EYS: variants seen among roughly 807,000 people sequenced by gnomAD.
The protein encoded by EYS is EGF-like photoreceptor maintenance factor, also known as protein eyes shut homolog.
In EYS, 250 loss-of-function variants were observed where a neutral mutation model predicts 282.1. The observed-to-expected ratio is 0.89, with a 90% CI of 0.80 to 0.98. The LOEUF is 0.98. Ranked by LOEUF, EYS falls within the 50% of genes least tolerant of loss-of-function variation. EYS has a pLI of 0.00. For synonymous variants in EYS, 1,355 were observed against 1,282.9 expected (o/e 1.06, Z -1.20); for missense variants, 4,016 against 3,709.0 (o/e 1.08, Z -2.15).
intron 26 of EYS, among the ~76,000 whole-genome samples, chr6:64,553,026 T>C (rs928838522): frequency 6.8e-6 from 1 of 147,948 alleles, no homozygotes; most frequent in African/African-American, 2.5e-5. Flanking sequence ...TCTGTACAGA[T>C]TCAATCAATG....
At chr6:65,359,862 T>A (rs936230816) in intron 8 of EYS, among the ~76,000 whole-genome samples, 1 of 151,958 alleles carries the variant, frequency 6.6e-6, no homozygotes, top group African/African-American at 2.4e-5. Flanking sequence ...GTAGCCTGGA[T>A]AGAATATTTG....
At chr6:63,778,330 C>A in intron 39 of EYS, 150 bp from the exon 40 acceptor site, 3 of 813,416 alleles carry the variant, frequency 3.7e-6, no homozygotes, top group Non-Finnish European at 5.7e-6. Flanking sequence ...CAGAAATGCG[C>A]AGAGAAATTT....
chr6:64,212,302 AAGAT>A (rs966547662), intron 31 of EYS, among the ~76,000 whole-genome samples: 11 of 152,092 alleles, frequency 7.2e-5, no homozygotes, highest in African/African-American at 2.4e-4. Flanking sequence ...TCATGAATAA[AAGAT>A]AGATGACAAG....
chr6:63,950,397 G>A (rs1037711597), intron 35 of EYS, among the ~76,000 whole-genome samples: 8 of 147,630 alleles, frequency 5.4e-5, no homozygotes, highest in African/African-American at 1.8e-4. Flanking sequence ...TGTGACCCCC[G>A]CCCCTGCCTG....
At chr6:65,200,370 A>T (rs544489639) in intron 12 of EYS, among the ~76,000 whole-genome samples, 1 of 151,758 alleles carries the variant, frequency 6.6e-6, no homozygotes, top group East Asian at 1.9e-4. Flanking sequence ...CAGAGAATTA[A>T]GAGTCATTAG....
intron 30 of EYS, among the ~76,000 whole-genome samples, chr6:64,278,272 A>G (rs1768181746): frequency 6.6e-6 from 1 of 152,178 alleles, no homozygotes; most frequent in Admixed American, 6.5e-5. Context: ...AATGAATATC[A>G]TTTGCAGCAT....
rs1270175107 is a variant in EYS, at chr6:64,538,668, T to G, written c.5644+51555A>C. On this transcript the variant is annotated intron_variant, in intron 26 of 42. Coordinates refer to ENST00000503581, the MANE Select transcript of EYS (RefSeq NM_001142800.2). ...ATAACAATACTAATAAATTATTTAC[T>G]AAGTGCACTTATTGTGTCCAAGGAC... is the stretch of plus-strand genomic sequence containing the variant. Among the ~76,000 whole-genome samples, 4 of 152,194 alleles carry G rather than the reference T, an allele frequency of 2.6e-5. No homozygotes were observed. The East Asian group carries it at 7.7e-4, about 29-fold the overall frequency.
chr6:64,130,069 C>T (rs1773920024), intron 31 of EYS, among the ~76,000 whole-genome samples: 1 of 152,132 alleles, frequency 6.6e-6, no homozygotes, highest in Non-Finnish European at 1.5e-5. Flanking sequence ...AGCGTGATGC[C>T]TCCAGCTCCT....
intron 16 of EYS, among the ~76,000 whole-genome samples, chr6:64,909,649 G>A (rs1767932497): frequency 6.6e-6 from 1 of 152,150 alleles, no homozygotes; most frequent in African/African-American, 2.4e-5. Context: ...GAAGACAGAA[G>A]CTTTGCCCTT....
At chr6:65,003,417 G>A (rs770974527) in intron 13 of EYS, among the ~76,000 whole-genome samples, 2 of 147,462 alleles carry the variant, frequency 1.4e-5, no homozygotes, top group Non-Finnish European at 3.0e-5. Flanking sequence ...TGTTATCAAC[G>A]AAATGGTGCC....
At chr6:65,166,608 A>G (rs1250839366) in intron 12 of EYS, among the ~76,000 whole-genome samples, 1 of 151,278 alleles carries the variant, frequency 6.6e-6, no homozygotes, top group Non-Finnish European at 1.5e-5. Flanking sequence ...AGCTAAACCT[A>G]TAAAACTTTT....
intron 2 of EYS, among the ~76,000 whole-genome samples, chr6:65,608,731 A>T (rs1328326527): frequency 6.6e-6 from 1 of 152,024 alleles, no homozygotes; most frequent in African/African-American, 2.4e-5. Flanking sequence ...TTACTATATA[A>T]GCTTTTTATA....
intron 2 of EYS, among the ~76,000 whole-genome samples, chr6:65,605,434 T>C (rs1765752516): frequency 6.6e-6 from 1 of 151,958 alleles, no homozygotes; most frequent in African/African-American, 2.4e-5. Context: ...TGTTGAGAAT[T>C]ATATACAATG....
chr6:65,399,623 T>A (rs1354185213), intron 7 of EYS, among the ~76,000 whole-genome samples: 2 of 152,042 alleles, frequency 1.3e-5, no homozygotes, highest in African/African-American at 4.8e-5. Flanking sequence ...ATAAAACTAC[T>A]TGTATGGCTG....
intron 13 of EYS, among the ~76,000 whole-genome samples, chr6:65,018,381 C>T (rs556656806): frequency 6.6e-6 from 1 of 152,262 alleles, no homozygotes; most frequent in South Asian, 2.1e-4. Context: ...AGATGCATCA[C>T]CCTGATCTCT....
chr6:64,234,230 T>C (rs1271815036), intron 30 of EYS, among the ~76,000 whole-genome samples: 2 of 151,652 alleles, frequency 1.3e-5, no homozygotes, highest in African/African-American at 4.8e-5. Flanking sequence ...GATAACAAAA[T>C]GCATATATCT....
chr6:65,527,437 C>A (rs1167949307), intron 2 of EYS, among the ~76,000 whole-genome samples: 1 of 152,192 alleles, frequency 6.6e-6, no homozygotes, highest in Non-Finnish European at 1.5e-5. Flanking sequence ...AACAGAAATC[C>A]TTTCAGAGGA....
chr6:63,720,525 A>G lies in EYS; in HGVS notation c.*71T>C, dbSNP rs1768331164. ...GTAAACAGTTGATTCCCCGTAAGCA[A>G]TGTATCAAAGAAATAACTATCAAAA... On this transcript the variant is annotated 3_prime_UTR_variant, in exon 43 of 43. Transcript: ENST00000503581. 1.8e-6 allele frequency: 2 copies of G among 1,106,550 alleles called. No homozygotes were observed. The highest frequency in any genetic ancestry group is 1.6e-5 in the African/African-American group (1 of 62,852). 68.5% of individuals were successfully genotyped at this position (1,106,550 alleles called of 1,614,324 possible). A position where few individuals can be genotyped will look rare whatever the true frequency, so the allele number is the denominator to read the frequency against.
chr6:64,348,084 C>T (rs1771479413), intron 29 of EYS, among the ~76,000 whole-genome samples: 2 of 151,188 alleles, frequency 1.3e-5, no homozygotes, highest in Non-Finnish European at 3.0e-5. Context: ...TAGAGTAGCC[C>T]AACAAGACAA....
Sources: allele counts gnomAD v4.1 joint callset (sites outside exome capture counted in the v4.1 genomes callset), GRCh38; gene constraint gnomAD v4.1.1; transcripts MANE v1.5; gene names NCBI Gene and HGNC (gene_info 2026-07-23, HGNC 2026-07-21).